Variants in GJA5 observed in about 807,000 individuals in gnomAD.
The protein encoded by GJA5 is gap junction alpha-5 protein.
In GJA5, 3 loss-of-function variants were observed where a neutral mutation model predicts 7.9. That is an observed-to-expected ratio of 0.38 (90% confidence interval 0.17 to 0.99). GJA5 has a LOEUF of 0.99. GJA5 is among the 50% of genes least tolerant of loss of function. The pLI is 0.38. For synonymous variants in GJA5, 193 were observed against 181.0 expected, an observed-to-expected ratio of 1.07 and a Z score of -0.53; for missense variants, 390 against 457.9, an observed-to-expected ratio of 0.85 and a Z score of 1.35.
At chr1:147,759,412 C>T (rs1317436514) in intron 1 of GJA5, 141 bp from the exon 2 acceptor site, 1 of 599,966 alleles carries the variant, frequency 1.7e-6, no homozygotes, top group African/African-American at 1.9e-5. Context: ...GTCAAAGCAA[C>T]CAACGAAAAG....
At chr1:147,768,046 G>T (rs1664272314) in intron 1 of GJA5, among the ~76,000 whole-genome samples, 1 of 152,164 alleles carries the variant, frequency 6.6e-6, no homozygotes, top group Non-Finnish European at 1.5e-5. Flanking sequence ...TGATGTAACT[G>T]TAGCTACTGA....
upstream of GJA5, among the ~76,000 whole-genome samples, chr1:147,765,154 CTTG>C (rs1384099594): frequency 3.9e-5 from 6 of 152,178 alleles, no homozygotes; most frequent in Admixed American, 2.0e-4. Flanking sequence ...TCTACATTCT[CTTG>C]TTGGTTCCAA....
intron 1 of GJA5, among the ~76,000 whole-genome samples, chr1:147,766,917 C>T (rs896731652): frequency 2.6e-5 from 4 of 152,212 alleles, no homozygotes; most frequent in African/African-American, 9.6e-5. Flanking sequence ...AAGGGCCTCA[C>T]TGAAAGGCTG....
At chr1:147,763,721 G>C (rs1471775081), upstream of GJA5, among the ~76,000 whole-genome samples, 1 of 152,204 alleles carries the variant, frequency 6.6e-6, no homozygotes, top group Non-Finnish European at 1.5e-5. Context: ...TGTGTATAGT[G>C]AGCATGAATC....
Position 147,758,614 on chromosome 1 carries a change from C to T in GJA5, c.625G>A (p.Val209Ile), listed in dbSNP as rs144018774. The T allele has an allele frequency of 5.6e-6, 9 of 1,614,188 alleles. No individual in the cohort carries two copies. The highest frequency in any genetic ancestry group is 6.8e-6 in the Non-Finnish European group (8 of 1,180,008). The stretch of plus-strand genomic sequence containing the variant: ...AGTGCAGCCACAGCCAGCATAAAGA[C>T]AATGAAGACATTCTTCTCTGTGGGC... ...SRPTEKNVFI[V>I]FMLAVAALSL... The change falls in exon 2 of 2, where the codon GTC becomes ATC. Residue 209 changes from valine (V) to isoleucine (I), a missense_variant. This residue lies in a region of GJA5 where 354 missense variants were observed against 370.9 expected (regional missense o/e 0.95). Coordinates refer to ENST00000579774, the MANE Select transcript of GJA5 (RefSeq NM_181703.4).
intron 1 of GJA5, among the ~76,000 whole-genome samples, chr1:147,765,735 C>A (rs1431257835): frequency 1.3e-5 from 2 of 152,134 alleles, no homozygotes; most frequent in Non-Finnish European, 2.9e-5. Context: ...ACATGATAGG[C>A]CATGCTTAGT....
chr1:147,763,818 T>TC (rs1664104609), upstream of GJA5, among the ~76,000 whole-genome samples: 1 of 150,876 alleles, frequency 6.6e-6, no homozygotes, highest in Admixed American at 6.6e-5. Flanking sequence ...TGCTTCTTTT[T>TC]TTCTTTTTTG....
In GJA5 at chr1:147,759,263, C is replaced by T; in HGVS notation, c.-25G>A. On this transcript the variant is annotated 5_prime_UTR_variant, in exon 2 of 2. Transcript: ENST00000579774. Reference sequence around the variant, plus strand: ...TCTTGGCACAGCCAGGGAACAGATGCCAAAACTTCTGCAAATGGGAGAGAG... The same window carrying T: ...TCTTGGCACAGCCAGGGAACAGATGTCAAAACTTCTGCAAATGGGAGAGAG... 1 of 1,462,354 alleles carries T rather than the reference C, an allele frequency of 6.8e-7. No individual in the cohort carries two copies. The highest frequency in any genetic ancestry group is 1.1e-5 in the South Asian group (1 of 88,144). 90.6% of individuals were successfully genotyped at this position (1,462,354 alleles called of 1,614,324 possible). A position where few individuals can be genotyped will look rare whatever the true frequency, so the allele number is the denominator to read the frequency against.
intron 1 of GJA5, among the ~76,000 whole-genome samples, chr1:147,768,737 C>T (rs111917310): frequency 0.018 from 2,687 of 152,248 alleles, 100 homozygotes; most frequent in African/African-American, 0.061. Flanking sequence ...TACTTTCTAA[C>T]CCTCCCATTA....
intron 1 of GJA5, 62 bp from the exon 2 acceptor site, chr1:147,759,333 G>T: frequency 1.1e-6 from 1 of 893,246 alleles, no homozygotes; most frequent in Non-Finnish European, 1.9e-6. Context: ...GGTCTGGAAT[G>T]TCTATCATGT....
chr1:147,772,199 G>A (rs1664432773), intron 1 of GJA5, among the ~76,000 whole-genome samples: 1 of 152,164 alleles, frequency 6.6e-6, no homozygotes, highest in African/African-American at 2.4e-5. Context: ...CTTTGCACCA[G>A]AGCCTTTTTC....
intron 1 of GJA5, among the ~76,000 whole-genome samples, chr1:147,768,898 C>T (rs1361189564): frequency 1.3e-5 from 2 of 152,222 alleles, no homozygotes; most frequent in African/African-American, 4.8e-5. Flanking sequence ...ATCCTCTCTA[C>T]ATCTCTGACA....
At chr1:147,771,671 C>T (rs1252089350) in intron 1 of GJA5, among the ~76,000 whole-genome samples, 1 of 152,208 alleles carries the variant, frequency 6.6e-6, no homozygotes, top group Non-Finnish European at 1.5e-5. Flanking sequence ...ACTGCTGTGG[C>T]TCTGTGAACG....
intron 1 of GJA5, among the ~76,000 whole-genome samples, chr1:147,771,572 A>T (rs1664403989): frequency 6.6e-6 from 1 of 152,156 alleles, no homozygotes; most frequent in Non-Finnish European, 1.5e-5. Flanking sequence ...GGCAGTTAAG[A>T]TGTAAGAACA....
chr1:147,764,367 T>C (rs1199089931), upstream of GJA5, among the ~76,000 whole-genome samples: 3 of 152,144 alleles, frequency 2.0e-5, no homozygotes, highest in African/African-American at 7.2e-5. Context: ...TCACACTTGG[T>C]TATATATTTC....
Position 147,758,123 on chromosome 1 carries a change from T to G in GJA5, c.*39A>C, listed in dbSNP as rs782165937. The G allele has an allele frequency of 7.2e-7, 1 of 1,383,878 alleles. No homozygotes were observed. Among genetic ancestry groups the G allele is most frequent in the East Asian group, 2.3e-5 (1 of 43,826 alleles). The allele number at this position is 1,383,878 out of a possible 1,614,324, so 85.7% of individuals were successfully genotyped here. A position where few individuals can be genotyped will look rare whatever the true frequency, so the allele number is the denominator to read the frequency against. On this transcript the variant is annotated 3_prime_UTR_variant, in exon 2 of 2. Coordinates refer to ENST00000579774, the MANE Select transcript of GJA5 (RefSeq NM_181703.4). ...ACACGTCTTTCCTCTCTGAGCCTCC[T>G]TTGTTCCCACCTGGTCCTGATCCTC...
chr1:147,761,329 C>G (rs959720032), upstream of GJA5, among the ~76,000 whole-genome samples: 2 of 152,188 alleles, frequency 1.3e-5, no homozygotes, highest in African/African-American at 2.4e-5. Context: ...CTCCTGGTTT[C>G]TGTCTGAACA....
upstream of GJA5, among the ~76,000 whole-genome samples, chr1:147,760,822 C>A (rs1310629164): frequency 6.6e-6 from 1 of 152,150 alleles, no homozygotes; most frequent in Non-Finnish European, 1.5e-5. Context: ...AGGGAATGCT[C>A]CAGAAAAGGT....
In GJA5 at chr1:147,756,766, C is replaced by T. The variant is rs886045242; in HGVS notation, c.*1396G>A. ...CCTCTATAAGTCTCAGTTTCCAATT[C>T]CAAGCATCGTTTACCTTCATCCAAA... is the stretch of plus-strand genomic sequence containing the variant. On this transcript the variant is annotated 3_prime_UTR_variant, in exon 2 of 2. Transcript: ENST00000579774. 1 of 152,236 alleles carries T rather than the reference C, an allele frequency of 6.6e-6. No homozygotes were observed. The highest frequency in any genetic ancestry group is 1.5e-5 in the Non-Finnish European group (1 of 68,102). 9.4% of individuals were successfully genotyped at this position (152,236 alleles called of 1,614,324 possible).
Sources: allele counts gnomAD v4.1 joint callset (sites outside exome capture counted in the v4.1 genomes callset), GRCh38; gene constraint gnomAD v4.1.1; regional missense constraint gnomAD v4.1.1; transcripts MANE v1.5; gene names NCBI Gene and HGNC (gene_info 2026-07-23, HGNC 2026-07-21).